CLDN12: variants seen among roughly 807,000 people sequenced by gnomAD.
The protein encoded by CLDN12 is claudin 12.
Under a neutral mutation model 15.5 loss-of-function variants are expected in CLDN12, and 9 were observed. The observed-to-expected ratio is 0.58, with a 90% CI of 0.35 to 1.02. CLDN12 has a LOEUF of 1.02. Among genes scored for constraint, CLDN12 ranks in the 50% least tolerant of loss-of-function variants. CLDN12 has a pLI of 0.02. For synonymous variants in CLDN12, 140 were observed against 121.6 expected, an observed-to-expected ratio of 1.15 and a Z score of -1.00; for missense variants, 233 against 297.3, an observed-to-expected ratio of 0.78 and a Z score of 1.59.
At chr7:90,403,696 A>G (rs972710940) in intron 1 of CLDN12, 147 bp downstream of exon 1, 24 of 152,174 alleles carry the variant, frequency 1.6e-4, no homozygotes, top group African/African-American at 5.8e-4. Flanking sequence ...GGTATTTGGT[A>G]AGGCTTTAAA....
chr7:90,413,867 A>C lies in CLDN12; in HGVS notation c.*456A>C. On this transcript the variant is annotated 3_prime_UTR_variant, in exon 4 of 4. Coordinates refer to ENST00000496677, the MANE Select transcript of CLDN12 (RefSeq NM_001185072.3). ...TAAGGGTAATATTTTAATAGTAGTC[A>C]ATAATCTAGCTTAAGGCTGTAACTC... 2.0e-6 allele frequency: 2 copies of C among 1,000,124 alleles called. No homozygotes were observed. The highest frequency in any genetic ancestry group is 2.4e-6 in the Non-Finnish European group (2 of 829,870). The allele number at this position is 1,000,124 out of a possible 1,614,324, so 62.0% of individuals were successfully genotyped here.
At chr7:90,406,411 A>G (rs1562967706) in intron 2 of CLDN12, among the ~76,000 whole-genome samples, 2 of 152,214 alleles carry the variant, frequency 1.3e-5, no homozygotes, top group African/African-American at 4.8e-5. Context: ...GGTTATTTGA[A>G]ATAGAGTCTC....
chr7:90,406,728 G>C (rs765567362), intron 2 of CLDN12, among the ~76,000 whole-genome samples: 1 of 152,036 alleles, frequency 6.6e-6, no homozygotes, highest in Non-Finnish European at 1.5e-5. Context: ...TCAGGTCTTT[G>C]GTCTCCTGGA....
rs1268208384 is a variant in CLDN12, at chr7:90,414,024, C to A, written c.*613C>A. ...ACGATGTTAGAATAAGACTACCATT[C>A]TAAATATCACCTACTTATGAATAAC... is the stretch of plus-strand genomic sequence containing the variant. On this transcript the variant is annotated 3_prime_UTR_variant, in exon 4 of 4. Transcript: ENST00000496677. 3.1e-6 allele frequency: 3 copies of A among 973,858 alleles called. No homozygotes were observed. In the African/African-American group the frequency reaches 5.3e-5, roughly 17 times the overall value. 60.3% of individuals were successfully genotyped at this position (973,858 alleles called of 1,614,324 possible).
At chr7:90,404,958 T>A (rs763351817) in intron 1 of CLDN12, among the ~76,000 whole-genome samples, 3 of 152,030 alleles carry the variant, frequency 2.0e-5, no homozygotes, top group Non-Finnish European at 4.4e-5. Flanking sequence ...AGTGGCATGA[T>A]CATGACTCAC....
In CLDN12 at chr7:90,412,315, G is replaced by A. The variant is rs1796981383; in HGVS notation, c.-34+266G>A. The A allele has an allele frequency of 1.4e-5, 3 of 219,588 alleles. No individual in the cohort carries two copies. The South Asian group carries it at 3.4e-4, about 25-fold the overall frequency. The allele number at this position is 219,588 out of a possible 1,614,324, so 13.6% of individuals were successfully genotyped here. A position where few individuals can be genotyped will look rare whatever the true frequency, so the allele number is the denominator to read the frequency against. On this transcript the variant is annotated intron_variant, in intron 3 of 3. Coordinates refer to ENST00000496677, the MANE Select transcript of CLDN12 (RefSeq NM_001185072.3). ...TATATGTGTTGAAAGAACGATTATT[G>A]ACAAAAAGAAGATTGAAGGTGTGAT...
chr7:90,407,956 G>C (rs1348125669), intron 2 of CLDN12, among the ~76,000 whole-genome samples: 3 of 152,192 alleles, frequency 2.0e-5, no homozygotes, highest in African/African-American at 4.8e-5. Flanking sequence ...GTAGGAATCA[G>C]GTGGTGTAAG....
chr7:90,414,438 A>G lies in CLDN12; in HGVS notation c.*1027A>G. On this transcript the variant is annotated 3_prime_UTR_variant, in exon 4 of 4. Coordinates refer to ENST00000496677, the MANE Select transcript of CLDN12 (RefSeq NM_001185072.3). ...CCTTGAGCATATATCTCTGCCTAAC[A>G]CTTTAGTAGGTGCTATAGAGGATAC... 1 of 978,868 alleles carries G rather than the reference A, an allele frequency of 1.0e-6. No individual in the cohort carries two copies. The highest frequency in any genetic ancestry group is 1.2e-6 in the Non-Finnish European group (1 of 810,590). The allele number at this position is 978,868 out of a possible 1,614,324, so 60.6% of individuals were successfully genotyped here.
At chr7:90,404,929 G>A (rs1796805509) in intron 1 of CLDN12, among the ~76,000 whole-genome samples, 1 of 148,116 alleles carries the variant, frequency 6.8e-6, no homozygotes, top group African/African-American at 2.5e-5. Context: ...TCATTGCTAT[G>A]TCATCCAGGC....
At chr7:90,408,530 C>G (rs900551850) in intron 2 of CLDN12, among the ~76,000 whole-genome samples, 3 of 152,106 alleles carry the variant, frequency 2.0e-5, no homozygotes, top group African/African-American at 7.2e-5. Flanking sequence ...CTTTATCTCT[C>G]TGGTGGGATA....
chr7:90,404,603 G>C (rs535698215), intron 1 of CLDN12, among the ~76,000 whole-genome samples: 1 of 152,066 alleles, frequency 6.6e-6, no homozygotes, highest in Admixed American at 6.5e-5. Flanking sequence ...CTTGTTGTCA[G>C]TGTCCTTTTT....
intron 1 of CLDN12, among the ~76,000 whole-genome samples, chr7:90,405,308 G>A (rs1352815723): frequency 2.0e-5 from 3 of 152,106 alleles, no homozygotes; most frequent in East Asian, 3.8e-4. Context: ...TGATCATCCC[G>A]CCTCAGCTTC....
At chr7:90,412,360 A>T (rs1366147673) in intron 3 of CLDN12, 1 of 311,384 alleles carries the variant, frequency 3.2e-6, no homozygotes, top group African/African-American at 2.1e-5. Flanking sequence ...CTTTAACATT[A>T]TCTTGGTTGT....
Position 90,414,203 on chromosome 7 carries a change from T to C in CLDN12, c.*792T>C, listed in dbSNP as rs1446308788. On this transcript the variant is annotated 3_prime_UTR_variant, in exon 4 of 4. Coordinates refer to ENST00000496677, the MANE Select transcript of CLDN12 (RefSeq NM_001185072.3). ...CTCGTGCCCATATACAATCTCTTAG[T>C]GGCTAGGAGAAATAAATAAAAGGGC... 7.0e-6 allele frequency: 7 copies of C among 1,000,116 alleles called. No homozygotes were observed. The highest frequency in any genetic ancestry group is 7.2e-6 in the Non-Finnish European group (6 of 829,876). 62.0% of individuals were successfully genotyped at this position (1,000,116 alleles called of 1,614,324 possible).
At chr7:90,407,216 A>G (rs1796854780) in intron 2 of CLDN12, among the ~76,000 whole-genome samples, 1 of 152,172 alleles carries the variant, frequency 6.6e-6, no homozygotes, top group African/African-American at 2.4e-5. Context: ...TTGACTTTCA[A>G]ACCATTTGTT....
intron 3 of CLDN12, chr7:90,412,287 A>G: frequency 5.2e-6 from 1 of 191,638 alleles, no homozygotes; most frequent in Non-Finnish European, 1.1e-5. Context: ...AGAGTGCTTG[A>G]TGTATATGTG....
chr7:90,412,745 C>G lies in CLDN12; in HGVS notation c.69C>G (p.Gly23=). 1 of 1,614,190 alleles carries G rather than the reference C, an allele frequency of 6.2e-7. No individual in the cohort carries two copies. The highest frequency in any genetic ancestry group is 8.5e-7 in the Non-Finnish European group (1 of 1,180,020). Residue 23 remains glycine (G), a synonymous_variant, in exon 4 of 4, where the codon GGC becomes GGG. Transcript: ENST00000496677. ...TGTGTGGAATCGCCTCAGTAGCAGG[C>G]CTCTTTGCAGGGACTCTGCTTCCCA... ...SFLCGIASVA[G]LFAGTLLPNW...
chr7:90,405,016 C>T (rs549841222), intron 1 of CLDN12, among the ~76,000 whole-genome samples: 16 of 151,912 alleles, frequency 1.1e-4, no homozygotes, highest in Non-Finnish European at 1.8e-4. Context: ...TGTCAGCCTC[C>T]CAAGAAACTG....
intron 2 of CLDN12, among the ~76,000 whole-genome samples, chr7:90,411,617 CTTGAATCAACAAGGAAGTAATTGGGT>C: frequency 6.6e-6 from 1 of 152,150 alleles, no homozygotes; most frequent in Admixed American, 6.5e-5. Flanking sequence ...AAATCTACAT[CTTGAATCAACAAGGAAGTAATTGGGT>C]CATGTTGAAT....
Sources: allele counts gnomAD v4.1 joint callset (sites outside exome capture counted in the v4.1 genomes callset), GRCh38; gene constraint gnomAD v4.1.1; transcripts MANE v1.5; gene names NCBI Gene and HGNC (gene_info 2026-07-23, HGNC 2026-07-21).